RUNX1: variants seen among roughly 807,000 people sequenced by gnomAD.
The protein encoded by RUNX1 is runt-related transcription factor 1.
Under a neutral mutation model 42.8 loss-of-function variants are expected in RUNX1, and 19 were observed. That is an observed-to-expected ratio of 0.44 (90% CI 0.31 to 0.65). The LOEUF (loss-of-function observed/expected upper bound fraction) is 0.65, where lower values mean the gene tolerates loss of function less well. RUNX1 is among the 30% of genes least tolerant of loss of function. The pLI, the probability that RUNX1 is intolerant of heterozygous loss-of-function variation, is 0.07. For missense variants in RUNX1, 528 were observed against 672.0 expected, an observed-to-expected ratio of 0.79 and a Z score of 2.37; for synonymous variants, 271 against 289.4, an observed-to-expected ratio of 0.94 and a Z score of 0.64.
intron 2 of RUNX1, among the ~76,000 whole-genome samples, chr21:35,031,598 C>G (rs890603766): frequency 6.6e-6 from 1 of 151,890 alleles, no homozygotes; most frequent in African/African-American, 2.4e-5. Flanking sequence ...TCATAATAAC[C>G]AAGATAAAGA....
intron 5 of RUNX1, among the ~76,000 whole-genome samples, chr21:34,863,984 C>T (rs2146261024): frequency 6.6e-6 from 1 of 152,314 alleles, no homozygotes; most frequent in Middle Eastern, 3.4e-3. Context: ...ATGACTTCTT[C>T]ACAGGTGTAG....
intron 2 of RUNX1, among the ~76,000 whole-genome samples, chr21:34,902,574 A>C (rs1322385776): frequency 6.6e-6 from 1 of 152,212 alleles, no homozygotes; most frequent in Non-Finnish European, 1.5e-5. Flanking sequence ...TAGCTAGGTA[A>C]TCATTCACTC....
intron 2 of RUNX1, among the ~76,000 whole-genome samples, chr21:34,918,152 C>T (rs986818668): frequency 7.4e-6 from 1 of 135,420 alleles, no homozygotes; most frequent in African/African-American, 2.9e-5. Context: ...AAAAAAAAGT[C>T]CTTGGCTTTT....
Position 34,908,166 on chromosome 21 carries a change from A to T in RUNX1, c.59-15203T>A, listed in dbSNP as rs192864519. ...GTGGTTTCCTGATTGCAATCACATAAATTAAACTCCAGCCCCAAAAAAGTC... is the reference window on the plus strand; with the variant it reads ...GTGGTTTCCTGATTGCAATCACATATATTAAACTCCAGCCCCAAAAAAGTC... On this transcript the variant is annotated intron_variant, in intron 2 of 8. Transcript: ENST00000675419. Among the ~76,000 whole-genome samples, 41 of 152,296 alleles carry T rather than the reference A, an allele frequency of 2.7e-4. No homozygotes were observed. The East Asian group carries it at 6.4e-3, about 24-fold the overall frequency.
At chr21:34,957,992 T>C (rs139278986) in intron 2 of RUNX1, among the ~76,000 whole-genome samples, 341 of 152,330 alleles carry the variant, frequency 2.2e-3, no homozygotes, top group African/African-American at 7.9e-3. Context: ...TCCCAACAAA[T>C]GCATCCTTGT....
intron 7 of RUNX1, among the ~76,000 whole-genome samples, chr21:34,799,766 A>G (rs878876059): frequency 1.3e-5 from 2 of 152,178 alleles, no homozygotes; most frequent in Admixed American, 1.3e-4. Context: ...TAATGTCCAG[A>G]CTGTTGAACT....
At chr21:35,009,393 G>A (rs1046327781) in intron 2 of RUNX1, among the ~76,000 whole-genome samples, 30 of 152,098 alleles carry the variant, frequency 2.0e-4, no homozygotes, top group African/African-American at 6.8e-4. Context: ...AAACCCCACC[G>A]AGTGAGTGTT....
At chr21:34,931,441 CAATAT>C (rs1569111161) in intron 2 of RUNX1, among the ~76,000 whole-genome samples, 2 of 141,312 alleles carry the variant, frequency 1.4e-5, no homozygotes, top group Non-Finnish European at 3.0e-5. Context: ...TAAATGTATA[CAATAT>C]ATTATATATA....
At chr21:34,962,681 C>G (rs1026740968) in intron 2 of RUNX1, among the ~76,000 whole-genome samples, 10 of 152,246 alleles carry the variant, frequency 6.6e-5, no homozygotes, top group African/African-American at 2.4e-4. Flanking sequence ...CAGATTTATG[C>G]ACCACGCAAG....
At chr21:34,865,735 G>A (rs565222526) in intron 5 of RUNX1, among the ~76,000 whole-genome samples, 2 of 152,172 alleles carry the variant, frequency 1.3e-5, no homozygotes, top group African/African-American at 2.4e-5. Flanking sequence ...CTGCAGTTCC[G>A]CATGGCCCAG....
intron 2 of RUNX1, among the ~76,000 whole-genome samples, chr21:34,946,609 A>C (rs972420698): frequency 6.6e-6 from 1 of 152,214 alleles, no homozygotes; most frequent in Non-Finnish European, 1.5e-5. Flanking sequence ...TCATAGCAAT[A>C]CAGCAACAGG....
At position 34,938,622 on chromosome 21, in the gene RUNX1, TC is replaced by T. The variant is rs2058504130; in HGVS notation, c.59-45660del. ...ATTAATGCTTTGCTATATGTGGAGA[TC>T]TTCCTGACCTGCCAAATGACACATC... On this transcript the variant is annotated intron_variant, in intron 2 of 8. Transcript: ENST00000675419. Among the ~76,000 whole-genome samples the T allele has an allele frequency of 2.0e-5, 3 of 152,244 alleles. No homozygotes were observed. In the South Asian group the frequency reaches 6.2e-4, roughly 32 times the overall value.
chr21:35,035,760 G>C (rs184392884), intron 2 of RUNX1, among the ~76,000 whole-genome samples: 1 of 152,312 alleles, frequency 6.6e-6, no homozygotes, highest in Admixed American at 6.5e-5. Context: ...GTTTGACGCG[G>C]ACTCCAGATT....
At chr21:34,916,202 T>C (rs2058310835) in intron 2 of RUNX1, among the ~76,000 whole-genome samples, 1 of 152,230 alleles carries the variant, frequency 6.6e-6, no homozygotes, top group African/African-American at 2.4e-5. Context: ...CGATCCCCTG[T>C]TAAATGCAGG....
chr21:35,042,452 A>C (rs962047166), intron 2 of RUNX1, among the ~76,000 whole-genome samples: 1 of 152,222 alleles, frequency 6.6e-6, no homozygotes, highest in African/African-American at 2.4e-5. Flanking sequence ...ATCTGCTCCC[A>C]GCTACCTTCC....
chr21:34,884,820 G>A (rs2057956865), intron 4 of RUNX1, among the ~76,000 whole-genome samples: 1 of 152,090 alleles, frequency 6.6e-6, no homozygotes, highest in Non-Finnish European at 1.5e-5. Flanking sequence ...GTTCTCAGGG[G>A]ATCTGCTTGA....
At chr21:35,030,668 G>T (rs2059266667) in intron 2 of RUNX1, among the ~76,000 whole-genome samples, 1 of 152,136 alleles carries the variant, frequency 6.6e-6, no homozygotes, top group Non-Finnish European at 1.5e-5. Context: ...TCTGGGCAAA[G>T]ATTTTTTTGA....
intron 7 of RUNX1, among the ~76,000 whole-genome samples, chr21:34,812,571 C>T (rs752530370): frequency 5.9e-5 from 9 of 152,168 alleles, no homozygotes; most frequent in Non-Finnish European, 1.3e-4. Flanking sequence ...TTTTAAACTC[C>T]AACACAGATC....
intron 2 of RUNX1, among the ~76,000 whole-genome samples, chr21:34,899,196 G>A (rs532793509): frequency 5.8e-4 from 89 of 152,320 alleles, no homozygotes; most frequent in African/African-American, 2.1e-3. Flanking sequence ...TTACAGGTGT[G>A]AGCTACCACG....
Sources: allele counts gnomAD v4.1 joint callset (sites outside exome capture counted in the v4.1 genomes callset), GRCh38; gene constraint gnomAD v4.1.1; transcripts MANE v1.5; gene names NCBI Gene and HGNC (gene_info 2026-07-23, HGNC 2026-07-21).